Variants in DLG5 observed in about 807,000 individuals in gnomAD.
DLG5 encodes the protein discs large MAGUK scaffold protein 5, also known as disks large homolog 5.
Under a neutral mutation model 189.8 loss-of-function variants are expected in DLG5, and 48 were observed. The observed-to-expected ratio is 0.25, with a 90% confidence interval of 0.20 to 0.32. The LOEUF is 0.32. DLG5 is among the 10% of genes least tolerant of loss of function. DLG5 has a pLI of 1.00. For missense variants in DLG5, 2,160 were observed against 2,544.7 expected, an observed-to-expected ratio of 0.85 and a Z score of 3.25; for synonymous variants, 1,016 against 1,054.1, an observed-to-expected ratio of 0.96 and a Z score of 0.70.
At chr10:77,866,075 TA>T (rs1328672220) in intron 2 of DLG5, among the ~76,000 whole-genome samples, 2 of 152,200 alleles carry the variant, frequency 1.3e-5, no homozygotes, top group Non-Finnish European at 2.9e-5. Flanking sequence ...CATGTGACCT[TA>T]CCAGCGGCCC....
chr10:77,854,247 G>A lies in DLG5; in HGVS notation c.660C>T (p.Ala220=), dbSNP rs373659692. The change falls in exon 4 of 32, where the codon GCC becomes GCT. Residue 220 remains alanine (A), a synonymous_variant. Coordinates refer to ENST00000372391, the MANE Select transcript of DLG5 (RefSeq NM_004747.4). The stretch of plus-strand genomic sequence containing the variant: ...CTCACTGGTAGAAGTCAGTCTCCTT[G>A]GCCACCTCCTCACACCTCTTCAAGG... ...TNALKRCEEV[A]KETDFYHTLH... 6.2e-7 allele frequency: 1 copy of A among 1,614,052 alleles called. No individual in the cohort carries two copies. Among genetic ancestry groups the A allele is most frequent in the Non-Finnish European group, 8.5e-7 (1 of 1,180,038 alleles).
intron 1 of DLG5, among the ~76,000 whole-genome samples, chr10:77,873,414 A>G (rs1162641523): frequency 6.6e-6 from 1 of 152,070 alleles, no homozygotes; most frequent in Non-Finnish European, 1.5e-5. Context: ...CACTGGGAGG[A>G]AGCCAGCCTG....
chr10:77,886,768 A>G (rs1845453641), intron 1 of DLG5, among the ~76,000 whole-genome samples: 1 of 152,232 alleles, frequency 6.6e-6, no homozygotes, highest in South Asian at 2.1e-4. Context: ...AGGTCTTTAA[A>G]GATGTAATAA....
chr10:77,901,114 C>CAAA (rs34724408), intron 1 of DLG5, among the ~76,000 whole-genome samples: 1 of 52,698 alleles, frequency 1.9e-5, no homozygotes, highest in Admixed American at 2.1e-4. Context: ...AACTCCATCT[C>CAAA]AAAAAAAAAA....
rs532884819 is a variant in DLG5, at chr10:77,838,443, A to G, written c.1438-2521T>C. 4.6e-5 allele frequency among the ~76,000 whole-genome samples: 7 copies of G among 152,218 alleles called. No homozygotes were observed. In the East Asian group the frequency reaches 1.4e-3, roughly 30 times the overall value. On this transcript the variant is annotated intron_variant, in intron 7 of 31. Coordinates refer to ENST00000372391, the MANE Select transcript of DLG5 (RefSeq NM_004747.4). Reference sequence around the variant, plus strand: ...GGCGGCCTTAGGGGAGCTCCCGAGGATATCTCTCCCCTGGGAGCTGGGAAG... The same window carrying G: ...GGCGGCCTTAGGGGAGCTCCCGAGGGTATCTCTCCCCTGGGAGCTGGGAAG...
At chr10:77,856,346 C>T (rs1004497694) in intron 3 of DLG5, among the ~76,000 whole-genome samples, 16 of 152,094 alleles carry the variant, frequency 1.1e-4, no homozygotes, top group African/African-American at 2.9e-4. Context: ...AGCAAGACCC[C>T]GTCTCAAAAA....
intron 26 of DLG5, chr10:77,806,210 C>T: frequency 3.4e-6 from 1 of 296,478 alleles, no homozygotes; most frequent in East Asian, 6.0e-5. Flanking sequence ...TGCAGGCTGC[C>T]TCGAAAACAT....
chr10:77,902,056 G>C (rs899703605), intron 1 of DLG5, among the ~76,000 whole-genome samples: 1 of 152,196 alleles, frequency 6.6e-6, no homozygotes, highest in African/African-American at 2.4e-5. Flanking sequence ...CGCTGCCACC[G>C]AGCTGCACTC....
intron 1 of DLG5, among the ~76,000 whole-genome samples, chr10:77,903,749 G>T (rs1344797845): frequency 6.6e-6 from 1 of 152,030 alleles, no homozygotes; most frequent in East Asian, 1.9e-4. Flanking sequence ...ATGTATATGG[G>T]AATATTCCAA....
intron 13 of DLG5, among the ~76,000 whole-genome samples, chr10:77,826,484 C>G (rs1304668772): frequency 2.0e-5 from 3 of 152,076 alleles, no homozygotes; most frequent in African/African-American, 7.2e-5. Context: ...AAAAAACTAG[C>G]AGGGCGTGAT....
Position 77,833,931 on chromosome 10 carries a change from G to A in DLG5, c.1731C>T (p.Arg577=), listed in dbSNP as rs751480171. The change falls in exon 9 of 32, where the codon CGC becomes CGT. Residue 577 remains arginine (R), a synonymous_variant. Coordinates refer to ENST00000372391, the MANE Select transcript of DLG5 (RefSeq NM_004747.4). ...GAGCCTACTTGAGCTCCTTCAGCTC[G>A]CGGCTGACATCATTCTTCTGCTTGC... is the stretch of plus-strand genomic sequence containing the variant. ...DTRKQKNDVS[R]ELKELKEQME... The A allele has an allele frequency of 2.0e-5, 32 of 1,606,458 alleles. No individual in the cohort carries two copies. The Admixed American group carries it at 2.7e-4, about 13-fold the overall frequency.
rs183293780 is a variant in DLG5, at chr10:77,903,159, G to A, written c.304+23058C>T. Among the ~76,000 whole-genome samples the A allele has an allele frequency of 5.4e-3, 825 of 152,302 alleles. 4 individuals are homozygous for A. Among genetic ancestry groups the A allele is most frequent in the Non-Finnish European group, 7.1e-3 (483 of 68,028 alleles). On this transcript the variant is annotated intron_variant, in intron 1 of 31. Transcript: ENST00000372391. ...TCACCATTAAGCAGCCGGGCGCAGCGGCTCACGCCTGTAATCCCAGCACTT... is the reference window on the plus strand; with the variant it reads ...TCACCATTAAGCAGCCGGGCGCAGCAGCTCACGCCTGTAATCCCAGCACTT...
intron 1 of DLG5, among the ~76,000 whole-genome samples, chr10:77,924,603 A>G (rs984685838): frequency 2.0e-5 from 3 of 152,206 alleles, no homozygotes; most frequent in African/African-American, 7.2e-5. Context: ...AAAGAAAAAA[A>G]TTACTTTGTT....
chr10:77,895,096 A>G (rs556959264), intron 1 of DLG5, among the ~76,000 whole-genome samples: 2 of 152,350 alleles, frequency 1.3e-5, no homozygotes, highest in South Asian at 4.1e-4. Flanking sequence ...CAGTCTGACC[A>G]AGTCCATCAG....
At chr10:77,882,362 G>C in intron 1 of DLG5, among the ~76,000 whole-genome samples, 1 of 152,132 alleles carries the variant, frequency 6.6e-6, no homozygotes. Flanking sequence ...ACAGGCTGTC[G>C]TGCAGAGCAA....
At chr10:77,840,488 C>T (rs539580631) in intron 7 of DLG5, among the ~76,000 whole-genome samples, 11 of 152,296 alleles carry the variant, frequency 7.2e-5, no homozygotes, top group Middle Eastern at 3.4e-3. Context: ...GAGGCCGAGG[C>T]GGAAGGATCG....
chr10:77,904,183 C>A (rs924820806), intron 1 of DLG5, among the ~76,000 whole-genome samples: 11 of 152,114 alleles, frequency 7.2e-5, no homozygotes, highest in African/African-American at 2.7e-4. Context: ...CATGGCAAAA[C>A]CCCCATCTCA....
chr10:77,902,401 C>T (rs1276680842), intron 1 of DLG5, among the ~76,000 whole-genome samples: 1 of 152,206 alleles, frequency 6.6e-6, no homozygotes, highest in Non-Finnish European at 1.5e-5. Flanking sequence ...AGCACCACTT[C>T]TAGGAATTCA....
At chr10:77,931,920 A>G in the DLG5 span, among the ~76,000 whole-genome samples, 1 of 152,184 alleles carries the variant, frequency 6.6e-6, no homozygotes, top group Non-Finnish European at 1.5e-5. Flanking sequence ...GGTTATTAGG[A>G]GAAGTAAATG....
Sources: gnomAD v4.1 joint callset for allele counts (sites outside exome capture counted in the v4.1 genomes callset) on GRCh38, gnomAD v4.1.1 for gene constraint, MANE v1.5 for transcripts, NCBI Gene and HGNC (gene_info 2026-07-23, HGNC 2026-07-21) for gene names.